The following GABRB3 variants were observed in gnomAD, a reference collection of about 807,000 sequenced individuals.
The protein encoded by GABRB3 is gamma-aminobutyric acid type A receptor subunit beta3.
Under a neutral mutation model 52.1 loss-of-function variants are expected in GABRB3, and 14 were observed. The observed-to-expected ratio is 0.27, with a 90% CI of 0.18 to 0.42. The LOEUF (loss-of-function observed/expected upper bound fraction) is 0.42. Among genes scored for constraint, GABRB3 ranks in the 10% least tolerant of loss-of-function variants. The probability of loss-of-function intolerance (pLI) is 1.00; values close to 1 mark genes in which losing one functional copy is unlikely to be tolerated. For missense variants in GABRB3, 307 were observed against 609.1 expected (o/e 0.50, Z 5.22); for synonymous variants, 260 against 232.3 (o/e 1.12, Z -1.08).
chr15:26,717,270 ATATC>A lies in GABRB3; in HGVS notation c.240+55128_240+55131del. Among the ~76,000 whole-genome samples the A allele has an allele frequency of 1.4e-5, 2 of 146,788 alleles. 1 individual carries two copies. Among genetic ancestry groups the A allele is most frequent in the South Asian group, 4.4e-4 (2 of 4,578 alleles). ...ACCCTATGACAGCCCAGCTCTGGGGATATCCACCCGATGACAGCCCAGCTCTGGG... is the reference window on the plus strand; with the variant it reads ...ACCCTATGACAGCCCAGCTCTGGGGACACCCGATGACAGCCCAGCTCTGGG... On this transcript the variant is annotated intron_variant, in intron 3 of 8. Transcript: ENST00000311550.
At chr15:26,612,853 C>T (rs896989073) in intron 4 of GABRB3, 53 of 152,204 alleles carry the variant, frequency 3.5e-4, no homozygotes, top group African/African-American at 1.1e-3. Flanking sequence ...GTGGCTCATG[C>T]CTATAATCCC....
At chr15:26,641,872 G>C (rs184438545) in intron 3 of GABRB3, among the ~76,000 whole-genome samples, 312 of 151,800 alleles carry the variant, frequency 2.1e-3, no homozygotes, top group African/African-American at 7.1e-3. Flanking sequence ...TACACAGATT[G>C]TTTTACTTTT....
At chr15:26,645,539 C>T (rs772077467) in intron 3 of GABRB3, among the ~76,000 whole-genome samples, 3 of 152,116 alleles carry the variant, frequency 2.0e-5, no homozygotes, top group Non-Finnish European at 4.4e-5. Context: ...AAGAGCAACC[C>T]TAACTCAAGC....
intron 8 of GABRB3, among the ~76,000 whole-genome samples, chr15:26,548,851 T>G (rs1595429573): frequency 6.6e-6 from 1 of 152,226 alleles, no homozygotes; most frequent in South Asian, 2.1e-4. Context: ...TGTGGGTTGG[T>G]CTGCACTGGA....
At chr15:26,710,161 T>C (rs1889247678) in intron 3 of GABRB3, among the ~76,000 whole-genome samples, 1 of 152,246 alleles carries the variant, frequency 6.6e-6, no homozygotes, top group South Asian at 2.1e-4. Context: ...GGCCATATTT[T>C]GTTTATTCAT....
intron 3 of GABRB3, among the ~76,000 whole-genome samples, chr15:26,686,401 T>C (rs1182561685): frequency 6.6e-6 from 1 of 152,178 alleles, no homozygotes; most frequent in East Asian, 1.9e-4. Flanking sequence ...TTTGCTGTTG[T>C]TGAGAATATT....
intron 3 of GABRB3, among the ~76,000 whole-genome samples, chr15:26,662,335 G>A (rs116972664): frequency 6.6e-6 from 1 of 152,226 alleles, no homozygotes; most frequent in Non-Finnish European, 1.5e-5. Context: ...CTCTCTATTG[G>A]GTTGGGCAGA....
Position 26,627,330 on chromosome 15 carries a change from A to G in GABRB3, c.241-5796T>C, listed in dbSNP as rs1352110300. On this transcript the variant is annotated intron_variant, in intron 3 of 8. Coordinates refer to ENST00000311550, the MANE Select transcript of GABRB3 (RefSeq NM_000814.6). ...TTTCATGTCTGCTAACACAACATCC[A>G]TTCTACAGCCCATAGATCAAGGAGA... Among the ~76,000 whole-genome samples the G allele has an allele frequency of 3.4e-5, 3 of 87,516 alleles. No individual in the cohort carries two copies. In the East Asian group the frequency reaches 7.1e-4, roughly 21 times the overall value. The allele number at this position is 87,516 out of a possible 152,430, so 57.4% of individuals were successfully genotyped here. A position where few individuals can be genotyped will look rare whatever the true frequency, so the allele number is the denominator to read the frequency against.
chr15:26,662,753 C>T (rs1887590151), intron 3 of GABRB3, among the ~76,000 whole-genome samples: 1 of 152,148 alleles, frequency 6.6e-6, no homozygotes, highest in South Asian at 2.1e-4. Flanking sequence ...CAAATCAGAT[C>T]AAGAAAGGAA....
chr15:26,556,546 G>A (rs1410222847), intron 8 of GABRB3, among the ~76,000 whole-genome samples: 1 of 152,114 alleles, frequency 6.6e-6, no homozygotes, highest in Non-Finnish European at 1.5e-5. Flanking sequence ...CATAATGCAT[G>A]AATTACAACC....
chr15:26,624,957 C>T lies in GABRB3; in HGVS notation c.241-3423G>A, dbSNP rs908585030. The T allele has an allele frequency of 2.2e-5, 22 of 985,458 alleles. No homozygotes were observed. The East Asian group carries it at 3.4e-4, about 15-fold the overall frequency. The allele number at this position is 985,458 out of a possible 1,614,324, so 61.0% of individuals were successfully genotyped here. A position where few individuals can be genotyped will look rare whatever the true frequency, so the allele number is the denominator to read the frequency against. ...GTGAGTGATCCTTCAGCAAACTCCA[C>T]GCCCTGTGCTACCTAGAACCTCATT... On this transcript the variant is annotated intron_variant, in intron 3 of 8. Coordinates refer to ENST00000311550, the MANE Select transcript of GABRB3 (RefSeq NM_000814.6).
chr15:26,650,109 C>T (rs954888757), intron 3 of GABRB3, among the ~76,000 whole-genome samples: 14 of 151,968 alleles, frequency 9.2e-5, no homozygotes, highest in African/African-American at 2.9e-4. Context: ...ATAATCACCA[C>T]GCCAAGGCTG....
chr15:26,685,799 CTTT>C (rs371341373), intron 3 of GABRB3, among the ~76,000 whole-genome samples: 90 of 131,112 alleles, frequency 6.9e-4, no homozygotes, highest in Admixed American at 9.4e-4. Flanking sequence ...GTAAGATGGT[CTTT>C]TTTTTTTTTT....
intron 7 of GABRB3, among the ~76,000 whole-genome samples, chr15:26,563,363 C>G (rs773916684): frequency 9.2e-5 from 14 of 152,214 alleles, no homozygotes; most frequent in Non-Finnish European, 1.6e-4. Flanking sequence ...GTGAGTACTT[C>G]AGGTCTTTCT....
chr15:26,553,507 G>A (rs1163784229), intron 8 of GABRB3: 1 of 152,200 alleles, frequency 6.6e-6, no homozygotes, highest in East Asian at 1.9e-4. Flanking sequence ...TATCAGAAAA[G>A]TGAAATCGTT....
In GABRB3 at chr15:26,749,071, G is replaced by C. The variant is rs559176762; in HGVS notation, c.240+23331C>G. 4.6e-5 allele frequency among the ~76,000 whole-genome samples: 7 copies of C among 152,042 alleles called. No individual in the cohort carries two copies. In the South Asian group the frequency reaches 1.5e-3, roughly 32 times the overall value. ...AAAAATAAGACAAAATCATCTGCTT[G>C]GTTTGGGTTTGTTTTGATCTACCTT... is the stretch of plus-strand genomic sequence containing the variant. On this transcript the variant is annotated intron_variant, in intron 3 of 8. Transcript: ENST00000311550.
chr15:26,662,043 C>T (rs1311623277), intron 3 of GABRB3, among the ~76,000 whole-genome samples: 1 of 152,164 alleles, frequency 6.6e-6, no homozygotes, highest in Non-Finnish European at 1.5e-5. Flanking sequence ...CACTGTACTT[C>T]CTAACTTTCC....
intron 3 of GABRB3, among the ~76,000 whole-genome samples, chr15:26,723,635 T>C (rs1350070031): frequency 1.3e-5 from 2 of 152,234 alleles, no homozygotes; most frequent in Middle Eastern, 3.2e-3. Context: ...TGAATTCTCC[T>C]AGAAGTTCTA....
intron 3 of GABRB3, among the ~76,000 whole-genome samples, chr15:26,763,567 T>C (rs1890879281): frequency 6.6e-6 from 1 of 150,488 alleles, no homozygotes; most frequent in Non-Finnish European, 1.5e-5. Context: ...ATTATCCGAA[T>C]TGGTTTTGTT....
Sources: allele counts gnomAD v4.1 joint callset (sites outside exome capture counted in the v4.1 genomes callset), GRCh38; gene constraint gnomAD v4.1.1; transcripts MANE v1.5; gene names NCBI Gene and HGNC (gene_info 2026-07-23, HGNC 2026-07-21).